Variants in ATAD2B observed in about 807,000 individuals in gnomAD.
The protein encoded by ATAD2B is ATPase family AAA domain containing 2B, also known as ATPase family AAA domain-containing protein 2B.
A neutral mutation model predicts 167.6 loss-of-function variants in ATAD2B; 40 were observed. The ratio of observed to expected loss-of-function variants is 0.24; its 90% confidence interval spans 0.19 to 0.31. The LOEUF is 0.31. Among genes scored for constraint, ATAD2B ranks in the 10% least tolerant of loss-of-function variants. The probability of loss-of-function intolerance (pLI) is 1.00; values close to 1 mark genes in which losing one functional copy is unlikely to be tolerated. For synonymous variants in ATAD2B, 579 were observed against 596.5 expected, an observed-to-expected ratio of 0.97 and a Z score of 0.43; for missense variants, 1,242 against 1,757.2, an observed-to-expected ratio of 0.71 and a Z score of 5.24.
At chr2:23,721,290 A>C in the ATAD2B span, among the ~76,000 whole-genome samples, 1 of 152,200 alleles carries the variant, frequency 6.6e-6, no homozygotes, top group African/African-American at 2.4e-5. Flanking sequence ...CTATGCCCAC[A>C]ATCAGAGCAT....
At chr2:23,807,481 C>T (rs1264306859) in intron 18 of ATAD2B, among the ~76,000 whole-genome samples, 2 of 152,086 alleles carry the variant, frequency 1.3e-5, no homozygotes, top group Non-Finnish European at 2.9e-5. Flanking sequence ...CTCCTGAGAT[C>T]TCAAGGTAGA....
chr2:23,849,209 TTA>T (rs1692172622), intron 13 of ATAD2B, among the ~76,000 whole-genome samples: 1 of 152,122 alleles, frequency 6.6e-6, no homozygotes, highest in Non-Finnish European at 1.5e-5. Flanking sequence ...AGACCCAACT[TTA>T]TATAGTCTAT....
intron 13 of ATAD2B, among the ~76,000 whole-genome samples, chr2:23,836,936 T>C (rs1276043088): frequency 6.6e-6 from 1 of 152,114 alleles, no homozygotes; most frequent in Non-Finnish European, 1.5e-5. Context: ...CTCCAGTCTG[T>C]GGGACTGGCA....
chr2:23,832,074 A>G, intron 14 of ATAD2B: 1 of 342,290 alleles, frequency 2.9e-6, no homozygotes. Context: ...ATCATGATAA[A>G]TACAATGACG....
intron 1 of ATAD2B, among the ~76,000 whole-genome samples, chr2:23,920,777 C>T (rs538349106): frequency 6.6e-6 from 1 of 152,252 alleles, no homozygotes; most frequent in Admixed American, 6.5e-5. Context: ...TTTGTACTTC[C>T]ATGTAACTTT....
At chr2:23,729,042 A>G in the ATAD2B span, among the ~76,000 whole-genome samples, 1 of 152,134 alleles carries the variant, frequency 6.6e-6, no homozygotes, top group Non-Finnish European at 1.5e-5. Context: ...GAGGTGCTAC[A>G]CACTTTTAAA....
At chr2:23,782,759 C>T in intron 22 of ATAD2B, 110 bp downstream of exon 22, 1 of 879,924 alleles carries the variant, frequency 1.1e-6, no homozygotes, top group Non-Finnish European at 1.7e-6. Flanking sequence ...TTTTGAAAAA[C>T]AACAGGTCAT....
chr2:23,860,343 T>C (rs759791594), intron 12 of ATAD2B, among the ~76,000 whole-genome samples: 12 of 152,192 alleles, frequency 7.9e-5, no homozygotes, highest in Non-Finnish European at 1.5e-4. Flanking sequence ...TAAAATTTCT[T>C]TTATGTGCTA....
intron 22 of ATAD2B, among the ~76,000 whole-genome samples, chr2:23,782,487 CA>C (rs1427841741): frequency 3.3e-5 from 5 of 152,148 alleles, no homozygotes; most frequent in Admixed American, 1.3e-4. Context: ...ACATAAAGAA[CA>C]GATAACATTC....
At chr2:23,827,032 T>G (rs935049146) in intron 15 of ATAD2B, among the ~76,000 whole-genome samples, 1 of 152,214 alleles carries the variant, frequency 6.6e-6, no homozygotes, top group Non-Finnish European at 1.5e-5. Context: ...CTAGTGAGTT[T>G]GTAATGGATT....
At chr2:23,914,775 G>A (rs534289276) in intron 1 of ATAD2B, among the ~76,000 whole-genome samples, 26 of 151,790 alleles carry the variant, frequency 1.7e-4, no homozygotes, top group African/African-American at 5.3e-4. Context: ...CCCGGGGGGC[G>A]GAAACTGCAG....
intron 17 of ATAD2B, among the ~76,000 whole-genome samples, chr2:23,813,400 T>C (rs1685933459): frequency 2.0e-5 from 3 of 150,488 alleles, no homozygotes; most frequent in African/African-American, 2.4e-5. Context: ...TAAGAATTTA[T>C]ATTTTCTTAC....
chr2:23,716,366 T>A, the ATAD2B span, among the ~76,000 whole-genome samples: 3 of 152,170 alleles, frequency 2.0e-5, no homozygotes, highest in African/African-American at 7.2e-5. Context: ...TGTTGAGAAA[T>A]TGGAAATTCC....
chr2:23,816,572 C>G (rs1420326759), intron 17 of ATAD2B, among the ~76,000 whole-genome samples: 1 of 152,062 alleles, frequency 6.6e-6, no homozygotes, highest in East Asian at 1.9e-4. Flanking sequence ...ATGTATGGGT[C>G]TATACATTAT....
At chr2:23,894,330 A>C (rs1040928167) in intron 2 of ATAD2B, among the ~76,000 whole-genome samples, 2 of 152,008 alleles carry the variant, frequency 1.3e-5, no homozygotes, top group African/African-American at 4.8e-5. Context: ...AAAAATACAA[A>C]ATTAGCTGGG....
the ATAD2B span, chr2:23,703,898 CGGAGGAGTGGGA>C: frequency 6.6e-7 from 1 of 1,521,642 alleles, no homozygotes; most frequent in South Asian, 1.2e-5. Flanking sequence ...AGGGCTGGGA[CGGAGGAGTGGGA>C]GGAGGAGGGG....
At chr2:23,764,375 A>C (rs1290205543) in intron 23 of ATAD2B, among the ~76,000 whole-genome samples, 1 of 152,304 alleles carries the variant, frequency 6.6e-6, no homozygotes, top group East Asian at 1.9e-4. Flanking sequence ...TGTTCAAATA[A>C]AGATTTCTTG....
At chr2:23,725,309 C>T in the ATAD2B span, among the ~76,000 whole-genome samples, 2 of 152,056 alleles carry the variant, frequency 1.3e-5, no homozygotes, top group African/African-American at 4.8e-5. Context: ...AAAAGAGATG[C>T]TAAAGGAAAT....
rs6751857 is a variant in ATAD2B, at chr2:23,750,929, T to C, written c.*1117A>G. Reference sequence around the variant, plus strand: ...CATTAATACTGTTATTCAAGGACCATACCAGAGCTCGTTTGCAATTAAGCA... The same window carrying C: ...CATTAATACTGTTATTCAAGGACCACACCAGAGCTCGTTTGCAATTAAGCA... On this transcript the variant is annotated 3_prime_UTR_variant, in exon 28 of 28. Coordinates refer to ENST00000238789, the MANE Select transcript of ATAD2B (RefSeq NM_017552.4). 66,017 of 152,020 alleles carry C rather than the reference T, an allele frequency of 0.43. 15,488 individuals carry two copies. The highest frequency in any genetic ancestry group is 0.79 in the East Asian group (4,054 of 5,164). 9.4% of individuals were successfully genotyped at this position (152,020 alleles called of 1,614,324 possible). A position where few individuals can be genotyped will look rare whatever the true frequency, so the allele number is the denominator to read the frequency against.
Sources: allele counts gnomAD v4.1 joint callset (sites outside exome capture counted in the v4.1 genomes callset), GRCh38; gene constraint gnomAD v4.1.1; transcripts MANE v1.5; gene names NCBI Gene and HGNC (gene_info 2026-07-23, HGNC 2026-07-21).